GLIS3: variants seen among roughly 807,000 people sequenced by gnomAD.
The protein encoded by GLIS3 is zinc finger protein GLIS3.
A neutral mutation model predicts 78.6 loss-of-function variants in GLIS3; 53 were observed. That is an observed-to-expected ratio of 0.67 (90% CI 0.54 to 0.85). The LOEUF is 0.85. GLIS3 is among the 40% of genes least tolerant of loss of function. The pLI is 0.00. For missense variants in GLIS3, 1,703 were observed against 1,231.1 expected, an observed-to-expected ratio of 1.38 and a Z score of -5.74; for synonymous variants, 684 against 509.9, an observed-to-expected ratio of 1.34 and a Z score of -4.60.
At chr9:3,841,791 C>T (rs955017192) in intron 9 of GLIS3, among the ~76,000 whole-genome samples, 17 of 152,276 alleles carry the variant, frequency 1.1e-4, no homozygotes, top group African/African-American at 4.1e-4. Flanking sequence ...ATAATAAACA[C>T]GAAAGTATTT....
chr9:4,401,630 C>A, the GLIS3 span, among the ~76,000 whole-genome samples: 1 of 148,264 alleles, frequency 6.7e-6, no homozygotes, highest in South Asian at 2.2e-4. Context: ...TGCAATGGTG[C>A]AATCTCAGCT....
At chr9:4,319,193 A>G (rs1346021347) in intron 2 of GLIS3, among the ~76,000 whole-genome samples, 1 of 152,258 alleles carries the variant, frequency 6.6e-6, no homozygotes. Context: ...TATTAATTGT[A>G]TATTAGGTAA....
the GLIS3 span, among the ~76,000 whole-genome samples, chr9:4,415,694 T>C: frequency 4.6e-5 from 7 of 152,210 alleles, no homozygotes; most frequent in Non-Finnish European, 8.8e-5. Context: ...TGATGTCAAA[T>C]TCTTTTGAAA....
At chr9:4,358,830 A>G in the GLIS3 span, among the ~76,000 whole-genome samples, 1 of 152,200 alleles carries the variant, frequency 6.6e-6, no homozygotes, top group Non-Finnish European at 1.5e-5. Flanking sequence ...AGGTCCCTGT[A>G]AGATGTAAAA....
chr9:4,084,742 T>C (rs1472934378), intron 4 of GLIS3, among the ~76,000 whole-genome samples: 4 of 152,182 alleles, frequency 2.6e-5, no homozygotes, highest in Non-Finnish European at 2.9e-5. Flanking sequence ...CTCCGAGCTC[T>C]GGTGACCTAA....
intron 6 of GLIS3, 54 bp downstream of exon 6, chr9:3,932,306 C>T: frequency 2.9e-6 from 4 of 1,385,280 alleles, no homozygotes; most frequent in Non-Finnish European, 2.1e-6. Context: ...TCGTGTACTA[C>T]AAGAATAATC....
the GLIS3 span, among the ~76,000 whole-genome samples, chr9:4,423,283 T>C: frequency 6.6e-6 from 1 of 152,126 alleles, no homozygotes; most frequent in African/African-American, 2.4e-5. Context: ...TTCAGGGAGC[T>C]GAAGCTGAAA....
the GLIS3 span, among the ~76,000 whole-genome samples, chr9:4,472,565 C>G: frequency 1.4e-5 from 2 of 140,154 alleles, no homozygotes; most frequent in Admixed American, 7.8e-5. Flanking sequence ...AATGAGAACA[C>G]TTGGACACAG....
At chr9:4,115,721 G>T (rs1349847683) in intron 4 of GLIS3, among the ~76,000 whole-genome samples, 1 of 152,090 alleles carries the variant, frequency 6.6e-6, no homozygotes, top group African/African-American at 2.4e-5. Context: ...AAGGCTTCCT[G>T]CTAAAAATAT....
chr9:4,422,942 C>G, the GLIS3 span, among the ~76,000 whole-genome samples: 4 of 152,174 alleles, frequency 2.6e-5, no homozygotes, highest in African/African-American at 9.7e-5. Flanking sequence ...TCATTGTTGC[C>G]TTGCTATGCC....
chr9:3,869,174 C>T (rs10119652), intron 8 of GLIS3, among the ~76,000 whole-genome samples: 140,919 of 152,218 alleles, frequency 0.93, 66,220 homozygotes, highest in East Asian at 1. Context: ...CCTCTAGTGC[C>T]GGGGTAGATT....
intron 2 of GLIS3, among the ~76,000 whole-genome samples, chr9:4,250,875 T>C (rs1230741284): frequency 6.6e-6 from 1 of 152,214 alleles, no homozygotes; most frequent in Non-Finnish European, 1.5e-5. Context: ...ATTTACCCAG[T>C]AGTCATTCAG....
At chr9:4,372,126 G>A in the GLIS3 span, among the ~76,000 whole-genome samples, 2 of 152,154 alleles carry the variant, frequency 1.3e-5, no homozygotes, top group African/African-American at 2.4e-5. Flanking sequence ...AAGGGTGGCC[G>A]AAGTGTCCTG....
chr9:4,466,705 C>A, the GLIS3 span, among the ~76,000 whole-genome samples: 1 of 152,306 alleles, frequency 6.6e-6, no homozygotes, highest in African/African-American at 2.4e-5. Flanking sequence ...CAGAATACAG[C>A]TCCCAGCGTG....
At chr9:3,862,524 T>C (rs1335424000) in intron 8 of GLIS3, among the ~76,000 whole-genome samples, 9 of 152,230 alleles carry the variant, frequency 5.9e-5, no homozygotes, top group African/African-American at 2.2e-4. Flanking sequence ...TGTACACATT[T>C]ATTTCTTTAA....
At chr9:3,964,003 G>T (rs894713041) in intron 4 of GLIS3, among the ~76,000 whole-genome samples, 2 of 152,152 alleles carry the variant, frequency 1.3e-5, no homozygotes, top group African/African-American at 4.8e-5. Flanking sequence ...TGCCATGCAT[G>T]TTCTGAGTAA....
At chr9:4,385,290 C>G in the GLIS3 span, among the ~76,000 whole-genome samples, 2 of 152,150 alleles carry the variant, frequency 1.3e-5, no homozygotes, top group African/African-American at 4.8e-5. Flanking sequence ...AAGTTGATAC[C>G]TAAAATCCAA....
chr9:4,484,244 T>A, the GLIS3 span, among the ~76,000 whole-genome samples: 177 of 148,276 alleles, frequency 1.2e-3, 1 homozygote, highest in African/African-American at 3.3e-3. Flanking sequence ...TTTTTATTTT[T>A]TTTATTTTTT....
intron 4 of GLIS3, among the ~76,000 whole-genome samples, chr9:4,055,279 C>G (rs1359396064): frequency 6.6e-6 from 1 of 152,158 alleles, no homozygotes; most frequent in Non-Finnish European, 1.5e-5. Flanking sequence ...GATGTCGAGT[C>G]TGACTAAGCA....
Sources: gnomAD v4.1 joint callset for allele counts (sites outside exome capture counted in the v4.1 genomes callset) on GRCh38, gnomAD v4.1.1 for gene constraint, MANE v1.5 for transcripts, NCBI Gene and HGNC (gene_info 2026-07-23, HGNC 2026-07-21) for gene names.